GRM5: variants seen among roughly 807,000 people sequenced by gnomAD.
GRM5 encodes metabotropic glutamate receptor 5.
GRM5 carries 19 observed loss-of-function variants against 83.1 expected under a neutral mutation model. That is an observed-to-expected ratio of 0.23 (90% CI 0.16 to 0.34). The LOEUF (loss-of-function observed/expected upper bound fraction) is 0.34, where lower values mean the gene tolerates loss of function less well. Ranked by LOEUF, GRM5 falls within the 10% of genes least tolerant of loss-of-function variation. GRM5 has a pLI of 1.00. For synonymous variants in GRM5, 675 were observed against 633.6 expected (o/e 1.07, Z -0.98); for missense variants, 1,160 against 1,588.3 (o/e 0.73, Z 4.58).
intron 3 of GRM5, among the ~76,000 whole-genome samples, chr11:88,809,020 G>C (rs1457259710): frequency 6.6e-6 from 1 of 151,932 alleles, no homozygotes; most frequent in Non-Finnish European, 1.5e-5. Flanking sequence ...TTTTAACAAC[G>C]TGTTTGTTTC....
rs377665407 is a variant in GRM5, at chr11:89,012,644, C to T, written c.661+34568G>A. 9.2e-5 allele frequency among the ~76,000 whole-genome samples: 14 copies of T among 152,120 alleles called. No homozygotes were observed. The South Asian group carries it at 1.5e-3, about 16-fold the overall frequency. Reference sequence around the variant, plus strand: ...ACCTTTGATAGCCAATGTCCTAATACGAAGAAGAAGTAAATGAACAGAAGG... The same window carrying T: ...ACCTTTGATAGCCAATGTCCTAATATGAAGAAGAAGTAAATGAACAGAAGG... On this transcript the variant is annotated intron_variant, in intron 2 of 9. Coordinates refer to ENST00000305447, the MANE Select transcript of GRM5 (RefSeq NM_001143831.3).
At chr11:88,648,356 A>T (rs1939523319) in intron 4 of GRM5, among the ~76,000 whole-genome samples, 1 of 147,342 alleles carries the variant, frequency 6.8e-6, no homozygotes, top group Middle Eastern at 3.2e-3. Flanking sequence ...CTTTGTAGGG[A>T]CATGGATGAA....
chr11:88,509,362 C>T lies in GRM5; in HGVS notation c.2869G>A (p.Glu957Lys), dbSNP rs770089378. 2 of 1,611,544 alleles carry T rather than the reference C, an allele frequency of 1.2e-6. No homozygotes were observed. Among genetic ancestry groups the T allele is most frequent in the Non-Finnish European group, 1.7e-6 (2 of 1,179,658 alleles). The part of the protein sequence containing the change: ...AVIKPFPKST[E>K]SRGLGAGAGA... ...GCGCCAGCGCCCAGGCCACGGCTCT[C>T]CGTGCTCTTGGGGAAGGGCTTGATG... The change falls in exon 10 of 10, where the codon GAG becomes AAG. Residue 957 changes from glutamate (E) to lysine (K), a missense_variant. Transcript: ENST00000305447.
At chr11:88,618,247 C>T (rs1938536672) in intron 4 of GRM5, among the ~76,000 whole-genome samples, 1 of 152,102 alleles carries the variant, frequency 6.6e-6, no homozygotes, top group Non-Finnish European at 1.5e-5. Flanking sequence ...TAAACAGCAC[C>T]CAAGATTGCA....
At chr11:89,011,195 G>A (rs571495274) in intron 2 of GRM5, among the ~76,000 whole-genome samples, 114 of 151,894 alleles carry the variant, frequency 7.5e-4, no homozygotes, top group African/African-American at 2.7e-3. Context: ...TTTTTCTTTC[G>A]TTTTCTTTTT....
chr11:88,545,926 C>T (rs375197921), intron 8 of GRM5, among the ~76,000 whole-genome samples: 1 of 152,216 alleles, frequency 6.6e-6, no homozygotes, highest in South Asian at 2.1e-4. Context: ...CCAATCCTCA[C>T]CTAGTCTGAT....
At chr11:88,808,173 CAT>C (rs1240118457) in intron 3 of GRM5, among the ~76,000 whole-genome samples, 7 of 151,924 alleles carry the variant, frequency 4.6e-5, no homozygotes, top group East Asian at 1.9e-4. Context: ...AATGCACAGA[CAT>C]GTGTATTTAA....
chr11:88,786,732 C>A (rs1943075657), intron 3 of GRM5, among the ~76,000 whole-genome samples: 1 of 151,926 alleles, frequency 6.6e-6, no homozygotes, highest in Non-Finnish European at 1.5e-5. Flanking sequence ...TTTTTTGATG[C>A]CCCTTTCCTG....
intron 3 of GRM5, among the ~76,000 whole-genome samples, chr11:88,782,900 ATAT>A (rs1385965256): frequency 6.6e-6 from 1 of 152,094 alleles, no homozygotes; most frequent in Admixed American, 6.6e-5. Flanking sequence ...CCCTTCACAG[ATAT>A]TATTTACTTT....
chr11:88,695,257 G>A (rs1940874592), intron 3 of GRM5, among the ~76,000 whole-genome samples: 1 of 151,988 alleles, frequency 6.6e-6, no homozygotes, highest in Admixed American at 6.6e-5. Flanking sequence ...GTAGAAATAA[G>A]TTTGTTTTAT....
chr11:88,541,025 C>T (rs1342780551), intron 8 of GRM5, among the ~76,000 whole-genome samples: 3 of 152,142 alleles, frequency 2.0e-5, no homozygotes, highest in African/African-American at 4.8e-5. Flanking sequence ...GCTGGAATTA[C>T]AGGCGTGAGT....
chr11:88,991,019 T>G (rs898550364), intron 2 of GRM5, among the ~76,000 whole-genome samples: 1 of 152,066 alleles, frequency 6.6e-6, no homozygotes, highest in Non-Finnish European at 1.5e-5. Flanking sequence ...CCAGGGCAAT[T>G]AGGCAGGAGA....
chr11:88,772,232 A>G (rs1942752707), intron 3 of GRM5, among the ~76,000 whole-genome samples: 3 of 152,148 alleles, frequency 2.0e-5, no homozygotes, highest in African/African-American at 7.2e-5. Context: ...AAAAACAAAA[A>G]TGAAAGCAAA....
intron 7 of GRM5, among the ~76,000 whole-genome samples, chr11:88,569,466 T>C (rs1942939998): frequency 6.6e-6 from 1 of 152,240 alleles, no homozygotes; most frequent in African/African-American, 2.4e-5. Flanking sequence ...TACTACATTT[T>C]TCATCAACCA....
At chr11:89,042,020 T>C (rs1054265408) in intron 2 of GRM5, among the ~76,000 whole-genome samples, 4 of 152,118 alleles carry the variant, frequency 2.6e-5, no homozygotes, top group Non-Finnish European at 5.9e-5. Flanking sequence ...CAAGAGCAAA[T>C]TGATCATGCT....
At chr11:89,016,149 T>C (rs1292060892) in intron 2 of GRM5, among the ~76,000 whole-genome samples, 11 of 151,026 alleles carry the variant, frequency 7.3e-5, no homozygotes, top group Non-Finnish European at 1.6e-4. Flanking sequence ...CACATGTAAA[T>C]TATATCTATA....
chr11:88,787,130 GA>G (rs1943086759), intron 3 of GRM5, among the ~76,000 whole-genome samples: 3 of 87,950 alleles, frequency 3.4e-5, no homozygotes. Context: ...TATATGATAT[GA>G]TGTGTGTGTG....
rs1941154464 is a variant in GRM5, at chr11:88,505,270, C to A, written c.*3322G>T. On this transcript the variant is annotated 3_prime_UTR_variant, in exon 10 of 10. Transcript: ENST00000305447. ...TTGCTAAATGTGAACTCACATAATA[C>A]CTTTGAAGTCTCCAAAACATGTACA... The A allele has an allele frequency of 6.6e-6, 1 of 152,196 alleles. No homozygotes were observed. Among genetic ancestry groups the A allele is most frequent in the Non-Finnish European group, 1.5e-5 (1 of 68,028 alleles). The allele number at this position is 152,196 out of a possible 1,614,324, so 9.4% of individuals were successfully genotyped here. A position where few individuals can be genotyped will look rare whatever the true frequency, so the allele number is the denominator to read the frequency against.
intron 6 of GRM5, among the ~76,000 whole-genome samples, chr11:88,595,813 ACCT>A: frequency 6.6e-6 from 1 of 151,920 alleles, no homozygotes; most frequent in Non-Finnish European, 1.5e-5. Flanking sequence ...ATCTCTCTGT[ACCT>A]GTTGCTGCTC....
Sources: allele counts gnomAD v4.1 joint callset (sites outside exome capture counted in the v4.1 genomes callset), GRCh38; gene constraint gnomAD v4.1.1; transcripts MANE v1.5; gene names NCBI Gene and HGNC (gene_info 2026-07-23, HGNC 2026-07-21).